Variants in SFTPB observed in about 807,000 individuals in gnomAD.
SFTPB encodes the protein pulmonary surfactant-associated protein B.
Under a neutral mutation model 51.0 loss-of-function variants are expected in SFTPB, and 32 were observed. The ratio of observed to expected loss-of-function variants is 0.63; its 90% CI spans 0.47 to 0.84. The LOEUF (loss-of-function observed/expected upper bound fraction) is 0.84. SFTPB is among the 40% of genes least tolerant of loss of function. The pLI, the probability that SFTPB is intolerant of heterozygous loss-of-function variation, is 0.00. For missense variants in SFTPB, 431 were observed against 491.2 expected (o/e 0.88, Z 1.16); for synonymous variants, 211 against 208.5 (o/e 1.01, Z -0.10).
At position 85,665,643 on chromosome 2, in the gene SFTPB, G is replaced by GGCAGC; in HGVS notation, c.540_544dup (p.Pro182ArgfsTer35). The GGCAGC allele has an allele frequency of 6.2e-7, 1 of 1,614,086 alleles. No homozygotes were observed. The highest frequency in any genetic ancestry group is 8.5e-7 in the Non-Finnish European group (1 of 1,180,038). On this transcript the variant is annotated frameshift_variant, in exon 5 of 11. Transcript: ENST00000519937. LOFTEE classifies it high-confidence loss of function. Reference sequence around the variant, plus strand: ...CCCAGGCCTCGCCTGGAGGGCCCCGGGCAGCACAGGGAGGACGAGCTTGTC... The same window carrying GGCAGC: ...CCCAGGCCTCGCCTGGAGGGCCCCGGGCAGCGCAGCACAGGGAGGACGAGCTTGTC...
intron 6 of SFTPB, 102 bp from the exon 7 acceptor site, chr2:85,663,949 C>G (rs1677448710): frequency 1.8e-6 from 2 of 1,134,850 alleles, no homozygotes; most frequent in Non-Finnish European, 2.5e-6. Flanking sequence ...TTCCCTCATT[C>G]TCTTCTAGAA....
chr2:85,663,806 T>C lies in SFTPB; in HGVS notation c.714A>G (p.Val238=). The change falls in exon 7 of 11, where the codon GTA becomes GTG. Residue 238 remains valine, a synonymous_variant. Transcript: ENST00000519937. ...GGCAGATGCCGCCCGCCACCAGAGG[T>C]ACCACGCGGCACACCTGGGCCACTG... ...AVAVAQVCRV[V]PLVAGGICQC... 2 of 1,600,430 alleles carry C rather than the reference T, an allele frequency of 1.2e-6. No individual in the cohort carries two copies. The highest frequency in any genetic ancestry group is 1.7e-6 in the Non-Finnish European group (2 of 1,175,218).
intron 4 of SFTPB, 50 bp downstream of exon 4, chr2:85,666,567 A>C (rs1445370050): frequency 3.7e-6 from 6 of 1,600,860 alleles, no homozygotes; most frequent in Non-Finnish European, 4.3e-6. Context: ...ATGGGTGGGC[A>C]CAGGGGCCTG....
rs1251687904 is a variant in SFTPB at position 85,662,040 on chromosome 2, T to C, written c.1072A>G (p.Thr358Ala). Reference protein sequence around the residue: ...TLVPRGWDAHTTCQALGVCGT... With the variant: ...TLVPRGWDAHATCQALGVCGT... ...AGGGGTGGGTGTACCTGGCAGGTGG[T>C]GTGGGCATCCCAGCCCCTGGGCACC... is the stretch of plus-strand genomic sequence containing the variant. The change falls in exon 9 of 11, where the codon ACC becomes GCC. Residue 358 changes from threonine (T) to alanine (A), a missense_variant. Physicochemically the swap from Thr to Ala is moderately conservative, Grantham distance 58. Transcript: ENST00000519937. 6.3e-7 allele frequency: 1 copy of C among 1,598,040 alleles called. No individual in the cohort carries two copies. Among genetic ancestry groups the C allele is most frequent in the South Asian group, 1.1e-5 (1 of 87,524 alleles).
At chr2:85,665,442 C>T in intron 5 of SFTPB, 64 bp from the exon 6 acceptor site, 3 of 1,469,784 alleles carry the variant, frequency 2.0e-6, no homozygotes, top group Non-Finnish European at 2.9e-6. Flanking sequence ...AGGCTCTCCT[C>T]CCCTCTCTCT....
intron 6 of SFTPB, among the ~76,000 whole-genome samples, chr2:85,664,920 T>C (rs1218533085): frequency 6.6e-6 from 1 of 152,200 alleles, no homozygotes; most frequent in African/African-American, 2.4e-5. Context: ...TCTGTGGAAA[T>C]TCCCCTCTTG....
intron 4 of SFTPB, 86 bp from the exon 5 acceptor site, chr2:85,665,880 T>C: frequency 7.6e-7 from 1 of 1,312,670 alleles, no homozygotes; most frequent in South Asian, 1.2e-5. Context: ...CAGGGACCAC[T>C]GGAATGGGAG....
At position 85,663,727 on chromosome 2, in the gene SFTPB, T is replaced by C; in HGVS notation, c.793A>G (p.Met265Val). The change falls in exon 7 of 11, where the codon ATG (methionine) becomes GTG (valine). Residue 265 changes from methionine (M) to valine (V), a missense_variant. Transcript: ENST00000519937. ...VILLDTLLGR[M>V]LPQLVCRLVL... The stretch of plus-strand genomic sequence containing the variant: ...AGGCGGCAGACCAGCTGGGGCAGCA[T>C]GCGGCCCAGCAGCGTGTCGAGCAGG... The C allele has an allele frequency of 3.7e-6, 6 of 1,611,790 alleles. No homozygotes were observed. The highest frequency in any genetic ancestry group is 5.1e-6 in the Non-Finnish European group (6 of 1,179,304).
chr2:85,662,980 G>A (rs1170175336), intron 8 of SFTPB, among the ~76,000 whole-genome samples: 1 of 152,122 alleles, frequency 6.6e-6, no homozygotes, highest in Non-Finnish European at 1.5e-5. Flanking sequence ...AGGAGTGTGG[G>A]GGCAGTAAAG....
At chr2:85,660,288 ATTTTTTTTTTT>A (rs60518418) in intron 10 of SFTPB, among the ~76,000 whole-genome samples, 1 of 80,562 alleles carries the variant, frequency 1.2e-5, no homozygotes, top group Non-Finnish European at 2.3e-5. Flanking sequence ...CATCTGGCTA[ATTTTTTTTTTT>A]TTTTTTTTTT....
rs1677178232 is a variant in SFTPB, at chr2:85,659,279, T to G, written c.*423A>C. 1 of 152,218 alleles carries G rather than the reference T, an allele frequency of 6.6e-6. No homozygotes were observed. Among genetic ancestry groups the G allele is most frequent in the African/African-American group, 2.4e-5 (1 of 41,444 alleles). 9.4% of individuals were successfully genotyped at this position (152,218 alleles called of 1,614,324 possible). A position where few individuals can be genotyped will look rare whatever the true frequency, so the allele number is the denominator to read the frequency against. On this transcript the variant is annotated 3_prime_UTR_variant, in exon 11 of 11. Coordinates refer to ENST00000519937, the MANE Select transcript of SFTPB (RefSeq NM_000542.5). ...TTTTGAATTGCAAGTAGCTGTAAAA[T>G]CCAATCTTTGAGTGCATGGGGGTGG... is the stretch of plus-strand genomic sequence containing the variant.
chr2:85,663,390 C>T lies in SFTPB; in HGVS notation c.958G>A (p.Ala320Thr), dbSNP rs1240446002. The T allele has an allele frequency of 1.2e-6, 2 of 1,613,642 alleles. No individual in the cohort carries two copies. Among genetic ancestry groups the T allele is most frequent in the African/African-American group, 2.7e-5 (2 of 74,930 alleles). Residue 320 changes from alanine to threonine, a missense_variant, in exon 8 of 11, where the codon GCA becomes ACA. Transcript: ENST00000519937. ...GNSSEQAIPQ[A>T]MLQACVGSWL... The stretch of plus-strand genomic sequence containing the variant: ...GAGCCAACACAGGCCTGGAGCATTG[C>T]CTGTGGTATGGCCTGCTCGCTGCTG...
At chr2:85,662,249 G>A in intron 8 of SFTPB, 140 bp from the exon 9 acceptor site, 2 of 1,515,296 alleles carry the variant, frequency 1.3e-6, no homozygotes, top group South Asian at 1.2e-5. Context: ...ACCTCTGGCT[G>A]CAGTTGAAAC....
intron 9 of SFTPB, among the ~76,000 whole-genome samples, chr2:85,661,828 C>G (rs1444356788): frequency 6.6e-6 from 1 of 152,192 alleles, no homozygotes; most frequent in African/African-American, 2.4e-5. Context: ...CTCAGGCCAT[C>G]CCTCCCTTCC....
In SFTPB at chr2:85,665,694, C is replaced by G; in HGVS notation, c.494G>C (p.Arg165Pro). Reference sequence around the variant, plus strand: ...CAGCAGAGGGTCTGGCAGAGGGTCCCGCAGAGGTTTGGGCAGGGGGTCTGA... The same window carrying G: ...CAGCAGAGGGTCTGGCAGAGGGTCCGGCAGAGGTTTGGGCAGGGGGTCTGA... ...GMSDPLPKPL[R>P]DPLPDPLLDK... The change falls in exon 5 of 11, where the codon CGG (arginine) becomes CCG (proline). Residue 165 changes from arginine (R) to proline (P), a missense_variant. Coordinates refer to ENST00000519937, the MANE Select transcript of SFTPB (RefSeq NM_000542.5). 1 of 1,614,212 alleles carries G rather than the reference C, an allele frequency of 6.2e-7. No homozygotes were observed. Among genetic ancestry groups the G allele is most frequent in the Non-Finnish European group, 8.5e-7 (1 of 1,180,038 alleles).
chr2:85,663,509 AG>A lies in SFTPB; in HGVS notation c.857-19del, dbSNP rs1474258839. ...CGGCGACCCTGGAGATGTGAGCATT[AG>A]GGGGAAAGCAGGCAAGGCCACCCTA... On this transcript the variant is annotated intron_variant, in intron 7 of 10. Transcript: ENST00000519937. The A allele has an allele frequency of 3.7e-5, 60 of 1,612,766 alleles. No homozygotes were observed. Among genetic ancestry groups the A allele is most frequent in the Non-Finnish European group, 5.1e-5 (60 of 1,179,736 alleles).
chr2:85,667,220 G>A (rs1677695260), intron 2 of SFTPB, 43 bp from the exon 3 acceptor site: 7 of 1,451,206 alleles, frequency 4.8e-6, no homozygotes, highest in Non-Finnish European at 6.8e-6. Flanking sequence ...CATGAGTGGG[G>A]GAGGCTCCCA....
rs1409353997 is a variant in SFTPB at position 85,663,833 on chromosome 2, C to G, written c.687G>C (p.Val229=). The G allele has an allele frequency of 6.3e-7, 1 of 1,589,380 alleles. No homozygotes were observed. Among genetic ancestry groups the G allele is most frequent in the Non-Finnish European group, 8.5e-7 (1 of 1,171,156 alleles). The change falls in exon 7 of 11, where the codon GTG becomes GTC. Residue 229 remains valine, a synonymous_variant. Transcript: ENST00000519937. ...CCACGCGGCACACCTGGGCCACTGCCACAGCTAGCGCACCCTGGGGCGGGG... is the reference window on the plus strand; with the variant it reads ...CCACGCGGCACACCTGGGCCACTGCGACAGCTAGCGCACCCTGGGGCGGGG... The part of the protein sequence containing the change: ...QAMIPKGALA[V]AVAQVCRVVP...
At chr2:85,663,524 A>G in intron 7 of SFTPB, 33 bp from the exon 8 acceptor site, 2 of 1,612,502 alleles carry the variant, frequency 1.2e-6, no homozygotes, top group African/African-American at 2.7e-5. Context: ...GAAAGCAGGC[A>G]AGGCCACCCT....
Sources: allele counts gnomAD v4.1 joint callset (sites outside exome capture counted in the v4.1 genomes callset), GRCh38; gene constraint gnomAD v4.1.1; transcripts MANE v1.5; gene names NCBI Gene and HGNC (gene_info 2026-07-23, HGNC 2026-07-21).